The following TRAK1 variants were observed in gnomAD, a reference collection of about 807,000 sequenced individuals.
TRAK1 encodes trafficking kinesin-binding protein 1.
In TRAK1, 33 loss-of-function variants were observed where a neutral mutation model predicts 92.1. The observed-to-expected ratio is 0.36, with a 90% CI of 0.27 to 0.48. The LOEUF is 0.48. Among genes scored for constraint, TRAK1 ranks in the 20% least tolerant of loss-of-function variants. The probability of loss-of-function intolerance (pLI) is 0.99; values close to 1 mark genes in which losing one functional copy is unlikely to be tolerated. For missense variants in TRAK1, 1,123 were observed against 1,257.9 expected (o/e 0.89, Z 1.62); for synonymous variants, 521 against 517.3 (o/e 1.01, Z -0.10).
intron 2 of TRAK1, among the ~76,000 whole-genome samples, chr3:42,138,301 A>G (rs1698207571): frequency 6.6e-6 from 1 of 152,176 alleles, no homozygotes; most frequent in South Asian, 2.1e-4. Context: ...GTCGAAAATA[A>G]TTTTCATCTT....
intron 1 of TRAK1, among the ~76,000 whole-genome samples, chr3:42,018,085 T>TCC (rs1309282011): frequency 0.071 from 1,523 of 21,532 alleles, 27 homozygotes; most frequent in African/African-American, 0.1. Flanking sequence ...ACCTCATTGT[T>TCC]ACAAAAAAAA....
chr3:42,122,145 A>G (rs1021547934), intron 1 of TRAK1, among the ~76,000 whole-genome samples: 3 of 152,102 alleles, frequency 2.0e-5, no homozygotes, highest in African/African-American at 4.8e-5. Flanking sequence ...GCATTTTTTC[A>G]TAGCCTTACC....
chr3:42,132,874 A>G (rs1484578622), intron 2 of TRAK1, among the ~76,000 whole-genome samples: 2 of 152,078 alleles, frequency 1.3e-5, no homozygotes, highest in African/African-American at 2.4e-5. Flanking sequence ...TAACTCATCC[A>G]TTGCGGAAAG....
At chr3:42,209,395 G>T (rs1708703758) in intron 13 of TRAK1, among the ~76,000 whole-genome samples, 1 of 152,076 alleles carries the variant, frequency 6.6e-6, no homozygotes, top group South Asian at 2.1e-4. Context: ...TGCTTATCTT[G>T]CCATTTTCCC....
Position 42,095,844 on chromosome 3 carries a change from A to G in TRAK1, c.91+4284A>G, listed in dbSNP as rs1411309095. On this transcript the variant is annotated intron_variant, in intron 1 of 15. Coordinates refer to ENST00000327628, the MANE Select transcript of TRAK1 (RefSeq NM_001042646.3). ...GCAGTGCAATGGTATCAGGTGGTGG[A>G]GCCTCTGGGAGGTGGTTAGGTCACA... Among the ~76,000 whole-genome samples, 4 of 152,168 alleles carry G rather than the reference A, an allele frequency of 2.6e-5. No individual in the cohort carries two copies. The East Asian group carries it at 7.7e-4, about 29-fold the overall frequency.
intron 14 of TRAK1, 80 bp downstream of exon 14, chr3:42,210,065 G>T: frequency 6.2e-7 from 1 of 1,610,242 alleles, no homozygotes; most frequent in East Asian, 2.2e-5. Context: ...CAGAGGAGAT[G>T]CAGGAGCCGC....
chr3:42,077,011 C>T (rs1422929320), intron 1 of TRAK1, among the ~76,000 whole-genome samples: 2 of 152,132 alleles, frequency 1.3e-5, no homozygotes, highest in Admixed American at 1.3e-4. Context: ...TATACCAGTA[C>T]CATGCTGTTT....
rs75136583 is a variant in TRAK1 at position 42,049,658 on chromosome 3, C to G, written c.-519+35541C>G. On this transcript the variant is annotated intron_variant, in intron 1 of 16. Coordinates refer to the TRAK1 transcript ENST00000487159. ...TCTCTATTCTTAATTCTCATTCTTT[C>G]ATTTGTTTGGTATTTCCTCAGCTTT... 6.8e-3 allele frequency among the ~76,000 whole-genome samples: 1,040 copies of G among 152,082 alleles called. 52 individuals are homozygous for G. The East Asian group carries it at 0.14, about 20-fold the overall frequency.
chr3:42,088,210 A>C (rs1038325576), upstream of TRAK1, among the ~76,000 whole-genome samples: 1 of 152,214 alleles, frequency 6.6e-6, no homozygotes, highest in East Asian at 1.9e-4. Flanking sequence ...GGCTTCCAGT[A>C]GCTTCTCTTG....
chr3:42,115,096 A>G (rs1313613249), intron 1 of TRAK1, among the ~76,000 whole-genome samples: 1 of 152,238 alleles, frequency 6.6e-6, no homozygotes, highest in Non-Finnish European at 1.5e-5. Context: ...AACAAATTCA[A>G]ATCGACAGTA....
At chr3:42,121,858 C>T (rs1339120503) in intron 1 of TRAK1, among the ~76,000 whole-genome samples, 1 of 152,092 alleles carries the variant, frequency 6.6e-6, no homozygotes, top group Admixed American at 6.5e-5. Context: ...CGCTCTGTCG[C>T]CCAGGCTGGA....
chr3:42,100,115 T>G (rs952280633), intron 1 of TRAK1, among the ~76,000 whole-genome samples: 1 of 152,148 alleles, frequency 6.6e-6, no homozygotes, highest in Non-Finnish European at 1.5e-5. Flanking sequence ...ATTCCAGCAC[T>G]TTGGGAGGCC....
At chr3:42,206,123 T>C (rs59476268) in intron 13 of TRAK1, among the ~76,000 whole-genome samples, 10,535 of 152,270 alleles carry the variant, frequency 0.069, 379 homozygotes, top group Non-Finnish European at 0.079. Context: ...AATTCATATT[T>C]ATTTTTTAAT....
chr3:42,105,895 C>A (rs1194306102), intron 1 of TRAK1, among the ~76,000 whole-genome samples: 2 of 152,168 alleles, frequency 1.3e-5, no homozygotes, highest in African/African-American at 2.4e-5. Context: ...ATTTTCAACC[C>A]AGAATTTCAT....
At chr3:42,133,043 A>C (rs1697421603) in intron 2 of TRAK1, among the ~76,000 whole-genome samples, 1 of 152,146 alleles carries the variant, frequency 6.6e-6, no homozygotes, top group East Asian at 1.9e-4. Context: ...TGATGAAGCT[A>C]CTGCCATCTC....
rs575310105 is a variant in TRAK1 at position 42,209,639 on chromosome 3, T to C, written c.1745-128T>C. The C allele has an allele frequency of 3.6e-5, 33 of 904,290 alleles. 1 individual carries two copies. The South Asian group carries it at 5.3e-4, about 15-fold the overall frequency. 56.0% of individuals were successfully genotyped at this position (904,290 alleles called of 1,614,324 possible). On this transcript the variant is annotated intron_variant, in intron 13 of 15. Coordinates refer to ENST00000327628, the MANE Select transcript of TRAK1 (RefSeq NM_001042646.3). ...ACTGAAGTTCCCGCTGCAGTCCACC[T>C]GGAGGCCCAGACCCTGCTGGGGTTC... is the stretch of plus-strand genomic sequence containing the variant.
chr3:42,217,722 C>A, intron 14 of TRAK1: 1 of 985,428 alleles, frequency 1.0e-6, no homozygotes, highest in Non-Finnish European at 1.2e-6. Context: ...TTCCCCCTCT[C>A]CTCCTTCCCA....
At chr3:42,208,814 T>G (rs984620349) in intron 13 of TRAK1, among the ~76,000 whole-genome samples, 1 of 152,252 alleles carries the variant, frequency 6.6e-6, no homozygotes, top group Non-Finnish European at 1.5e-5. Context: ...CATGGTGTCA[T>G]GTGAGGTGTT....
chr3:42,120,378 GA>G (rs1233093615), intron 1 of TRAK1, among the ~76,000 whole-genome samples: 1 of 152,066 alleles, frequency 6.6e-6, no homozygotes, highest in Non-Finnish European at 1.5e-5. Flanking sequence ...TAACTGTGGG[GA>G]AATGGTGACC....
Sources: gnomAD v4.1 joint callset for allele counts (sites outside exome capture counted in the v4.1 genomes callset) on GRCh38, gnomAD v4.1.1 for gene constraint, MANE v1.5 for transcripts, NCBI Gene and HGNC (gene_info 2026-07-23, HGNC 2026-07-21) for gene names.